Variants in ATG7 observed in about 807,000 individuals in gnomAD.
ATG7 encodes the protein autophagy related 7, also known as ubiquitin-like modifier-activating enzyme ATG7.
In ATG7, 70 loss-of-function variants were observed where a neutral mutation model predicts 82.4. The ratio of observed to expected loss-of-function variants is 0.85; its 90% CI spans 0.70 to 1.04. ATG7 has a LOEUF of 1.04. Ranked by LOEUF, ATG7 falls within the 50% of genes least tolerant of loss-of-function variation. The pLI, the probability that ATG7 is intolerant of heterozygous loss-of-function variation, is 0.00. For missense variants in ATG7, 792 were observed against 864.3 expected (o/e 0.92, Z 1.05); for synonymous variants, 287 against 313.0 (o/e 0.92, Z 0.88).
rs529166515 is a variant in ATG7 at position 11,299,278 on chromosome 3, G to A, written c.161-84G>A. On this transcript the variant is annotated intron_variant, in intron 4 of 20. Transcript: ENST00000693202. ...TGGGGCGCCTTGGGCTCAACAAAGA[G>A]AAGAAAACTATTCATAAGCATTTTT... 1.7e-5 allele frequency: 23 copies of A among 1,387,622 alleles called. No homozygotes were observed. The African/African-American group carries it at 1.7e-4, about 10-fold the overall frequency. 86.0% of individuals were successfully genotyped at this position (1,387,622 alleles called of 1,614,324 possible).
intron 13 of ATG7, among the ~76,000 whole-genome samples, chr3:11,346,271 T>A (rs1300093658): frequency 6.6e-6 from 1 of 152,180 alleles, no homozygotes; most frequent in Non-Finnish European, 1.5e-5. Context: ...TTGTTTCCAG[T>A]TTTTTACAAT....
At chr3:11,387,892 C>T (rs2078440966) in intron 19 of ATG7, among the ~76,000 whole-genome samples, 1 of 152,146 alleles carries the variant, frequency 6.6e-6, no homozygotes, top group Non-Finnish European at 1.5e-5. Flanking sequence ...ATGGTGTGAA[C>T]CTGGGAGGCA....
At chr3:11,566,793 C>T in the ATG7 span, among the ~76,000 whole-genome samples, 6 of 152,284 alleles carry the variant, frequency 3.9e-5, no homozygotes, top group South Asian at 8.3e-4. Flanking sequence ...TCTTCGTCTA[C>T]GCACCCGCCC....
At position 11,556,607 on chromosome 3, in the gene ATG7, AG is replaced by A. The variant is rs1202956959; in HGVS notation, c.*1765del. On this transcript the variant is annotated 3_prime_UTR_variant, in exon 21 of 21. Coordinates refer to ENST00000693202, the MANE Select transcript of ATG7 (RefSeq NM_001349232.2). The stretch of plus-strand genomic sequence containing the variant: ...ACAGACAAATCTACGACAAAAAAAA[AG>A]ATCAACTTTTTTTTTCCGAACAACA... The A allele has an allele frequency of 6.6e-6, 1 of 152,506 alleles. No individual in the cohort carries two copies. The highest frequency in any genetic ancestry group is 1.5e-5 in the Non-Finnish European group (1 of 68,038). The allele number at this position is 152,506 out of a possible 1,614,324, so 9.4% of individuals were successfully genotyped here. A position where few individuals can be genotyped will look rare whatever the true frequency, so the allele number is the denominator to read the frequency against.
chr3:11,450,436 C>CAGAAAA (rs2085000945), intron 20 of ATG7, among the ~76,000 whole-genome samples: 3 of 152,168 alleles, frequency 2.0e-5, no homozygotes, highest in Non-Finnish European at 4.4e-5. Flanking sequence ...CAGATCCTAC[C>CAGAAAA]TCTTTAGGTC....
At chr3:11,558,581 CTG>C (rs779593854), downstream of ATG7, 4 of 1,603,234 alleles carry the variant, frequency 2.5e-6, no homozygotes, top group African/African-American at 2.7e-5. Context: ...GGGGGAGTGA[CTG>C]TGGCTGACCA....
chr3:11,521,356 TCACCTGGACTCA>T (rs947227995), intron 20 of ATG7, among the ~76,000 whole-genome samples: 1 of 152,030 alleles, frequency 6.6e-6, no homozygotes, highest in Admixed American at 6.6e-5. Context: ...GAGGGTGACC[TCACCTGGACTCA>T]TAAACCCAAA....
At chr3:11,440,039 G>A (rs905377605) in intron 20 of ATG7, among the ~76,000 whole-genome samples, 3 of 152,336 alleles carry the variant, frequency 2.0e-5, no homozygotes, top group Admixed American at 6.5e-5. Context: ...ATAGGGTGAT[G>A]CAGAGGCATT....
At chr3:11,453,401 T>C (rs529549279) in intron 20 of ATG7, among the ~76,000 whole-genome samples, 2 of 152,304 alleles carry the variant, frequency 1.3e-5, no homozygotes, top group South Asian at 4.1e-4. Flanking sequence ...ATATGCTTGC[T>C]AAGAAGATTA....
intron 19 of ATG7, among the ~76,000 whole-genome samples, chr3:11,394,209 C>T (rs2152878140): frequency 6.6e-6 from 1 of 152,206 alleles, no homozygotes; most frequent in East Asian, 1.9e-4. Flanking sequence ...CAAAGAATAC[C>T]ATAGAACTTT....
chr3:11,439,919 A>C (rs1178672516), intron 20 of ATG7, among the ~76,000 whole-genome samples: 1 of 152,222 alleles, frequency 6.6e-6, no homozygotes, highest in Admixed American at 6.5e-5. Flanking sequence ...GGTGACTATT[A>C]TCCCATTTTA....
chr3:11,363,694 G>A (rs1303138234), intron 17 of ATG7, among the ~76,000 whole-genome samples: 1 of 152,236 alleles, frequency 6.6e-6, no homozygotes, highest in African/African-American at 2.4e-5. Context: ...AGCTCAACCA[G>A]TGTGGCTCCA....
chr3:11,563,696 G>C, the ATG7 span, among the ~76,000 whole-genome samples: 20 of 152,206 alleles, frequency 1.3e-4, no homozygotes, highest in African/African-American at 4.8e-4. Flanking sequence ...AGCGTGCTGA[G>C]AACAAAAACT....
rs1951896343 is a variant in ATG7, at chr3:11,333,194, G to A, written c.889+101G>A. The stretch of plus-strand genomic sequence containing the variant: ...TCGTCACAATGGCAGAAGAAAGGAA[G>A]AGAAAAGTACAACTTGTACCTCTTT... On this transcript the variant is annotated intron_variant, in intron 11 of 20. Coordinates refer to ENST00000693202, the MANE Select transcript of ATG7 (RefSeq NM_001349232.2). 2.2e-6 allele frequency: 3 copies of A among 1,392,822 alleles called. No homozygotes were observed. In the African/African-American group the frequency reaches 4.5e-5, roughly 21 times the overall value. 86.3% of individuals were successfully genotyped at this position (1,392,822 alleles called of 1,614,324 possible). A position where few individuals can be genotyped will look rare whatever the true frequency, so the allele number is the denominator to read the frequency against.
At chr3:11,469,373 C>T (rs1397513474) in intron 20 of ATG7, among the ~76,000 whole-genome samples, 1 of 151,580 alleles carries the variant, frequency 6.6e-6, no homozygotes, top group African/African-American at 2.4e-5. Context: ...TGCTTGAACC[C>T]GGGAGGTGGA....
chr3:11,311,743 T>C (rs1948709948), intron 7 of ATG7, among the ~76,000 whole-genome samples: 1 of 152,122 alleles, frequency 6.6e-6, no homozygotes, highest in Non-Finnish European at 1.5e-5. Flanking sequence ...CCTTCTGCTG[T>C]TTTTTAGGAC....
At chr3:11,431,646 G>A (rs1478120645) in intron 20 of ATG7, among the ~76,000 whole-genome samples, 2 of 152,140 alleles carry the variant, frequency 1.3e-5, no homozygotes, top group East Asian at 3.8e-4. Context: ...ATGATCCTTT[G>A]TGTCTGGCAT....
At chr3:11,571,501 T>C in the ATG7 span, among the ~76,000 whole-genome samples, 3 of 151,840 alleles carry the variant, frequency 2.0e-5, no homozygotes, top group Admixed American at 6.6e-5. Flanking sequence ...CTGGGCAACA[T>C]GGCAAAACCC....
intron 13 of ATG7, among the ~76,000 whole-genome samples, chr3:11,343,245 C>T (rs9818793): frequency 0.028 from 4,328 of 152,094 alleles, 205 homozygotes; most frequent in African/African-American, 0.097. Context: ...GTTTTTCAAA[C>T]GAAATTGCCT....
Sources: gnomAD v4.1 joint callset for allele counts (sites outside exome capture counted in the v4.1 genomes callset) on GRCh38, gnomAD v4.1.1 for gene constraint, MANE v1.5 for transcripts, NCBI Gene and HGNC (gene_info 2026-07-23, HGNC 2026-07-21) for gene names.